The following SEC22A variants were observed in gnomAD, a reference collection of about 807,000 sequenced individuals.
The protein encoded by SEC22A is SEC22 homolog A, vesicle trafficking protein.
SEC22A carries 22 observed loss-of-function variants against 35.3 expected under a neutral mutation model. The observed-to-expected ratio is 0.62, with a 90% CI of 0.45 to 0.89. The LOEUF is 0.89. SEC22A is among the 40% of genes least tolerant of loss of function. SEC22A has a pLI of 0.00. For missense variants in SEC22A, 354 were observed against 362.5 expected (o/e 0.98, Z 0.19); for synonymous variants, 119 against 129.5 (o/e 0.92, Z 0.55).
chr3:123,267,293 T>TA (rs1201910260), intron 6 of SEC22A, among the ~76,000 whole-genome samples: 1 of 152,000 alleles, frequency 6.6e-6, no homozygotes, highest in Admixed American at 6.5e-5. Context: ...TTTTCTTTTT[T>TA]TTCTTTATCT....
intron 5 of SEC22A, among the ~76,000 whole-genome samples, chr3:123,248,073 A>C (rs1220292080): frequency 6.6e-6 from 1 of 152,202 alleles, no homozygotes; most frequent in African/African-American, 2.4e-5. Flanking sequence ...TTGATAAAGA[A>C]CATCTATTGA....
At position 123,271,717 on chromosome 3, in the gene SEC22A, G is replaced by A. The variant is rs186863435; in HGVS notation, c.919G>A (p.Val307Ile). 3.7e-6 allele frequency: 6 copies of A among 1,613,662 alleles called. No individual in the cohort carries two copies. The East Asian group carries it at 1.3e-4, about 36-fold the overall frequency. Residue 307 changes from valine to isoleucine, a missense_variant, in exon 7 of 7, where the codon GTC (valine) becomes ATC (isoleucine). Physicochemically the swap from Val to Ile is conservative, Grantham distance 29. Coordinates refer to ENST00000492595, the MANE Select transcript of SEC22A (RefSeq NM_012430.5). Reference sequence around the variant, plus strand: ...CCAGGGCAAGGCTCCCGATTATGATGTCTGACACCATCCTTCAGATCTATT... The same window carrying A: ...CCAGGGCAAGGCTCCCGATTATGATATCTGACACCATCCTTCAGATCTATT... The part of the protein sequence containing the change: ...QAQGKAPDYD[V>I]
chr3:123,217,054 C>A (rs62261392), intron 2 of SEC22A, among the ~76,000 whole-genome samples: 29,826 of 151,990 alleles, frequency 0.2, 3,035 homozygotes, highest in Middle Eastern at 0.28. Context: ...GTCTCTAACT[C>A]CTGGGCTCAA....
chr3:123,206,677 G>GA (rs1234203604), intron 1 of SEC22A, among the ~76,000 whole-genome samples: 1 of 152,160 alleles, frequency 6.6e-6, no homozygotes, highest in Middle Eastern at 3.4e-3. Flanking sequence ...TTTTAGGAGA[G>GA]AAAAAAACTA....
At chr3:123,226,740 T>C (rs772936101) in intron 4 of SEC22A, among the ~76,000 whole-genome samples, 1 of 152,208 alleles carries the variant, frequency 6.6e-6, no homozygotes, top group African/African-American at 2.4e-5. Flanking sequence ...TTGTCCACTT[T>C]TGCATTGGTT....
chr3:123,203,053 C>CTTTTTTTTTTTTTT lies in SEC22A; in HGVS notation c.-20+1088_-20+1101dup, dbSNP rs779433710. Among the ~76,000 whole-genome samples, 24 of 43,842 alleles carry CTTTTTTTTTTTTTT rather than the reference C, an allele frequency of 5.5e-4. 3 individuals are homozygous for CTTTTTTTTTTTTTT. The highest frequency in any genetic ancestry group is 8.5e-4 in the African/African-American group (8 of 9,428). The allele number at this position is 43,842 out of a possible 152,430, so 28.8% of individuals were successfully genotyped here. Reference sequence around the variant, plus strand: ...GAAAACCATCACATCTGTTTAGTGCCTTTTTTTTTTTTTTTTTTTTTTTTT... The same window carrying CTTTTTTTTTTTTTT: ...GAAAACCATCACATCTGTTTAGTGCCTTTTTTTTTTTTTTTTTTTTTTTTTTTTTTTTTTTTTTT... On this transcript the variant is annotated intron_variant, in intron 1 of 6. Transcript: ENST00000492595.
At position 123,271,806 on chromosome 3, in the gene SEC22A, C is replaced by G. The variant is rs1938173199; in HGVS notation, c.*84C>G. ...ACTGCACTGTGATGAAGAAGCTGTT[C>G]CCCACAGAGGAGAAGCTCTGCTTTC... On this transcript the variant is annotated 3_prime_UTR_variant, in exon 7 of 7. Transcript: ENST00000492595. 2.5e-5 allele frequency: 28 copies of G among 1,137,228 alleles called. No homozygotes were observed. Among genetic ancestry groups the G allele is most frequent in the Non-Finnish European group, 3.3e-5 (26 of 780,478 alleles). The allele number at this position is 1,137,228 out of a possible 1,614,324, so 70.4% of individuals were successfully genotyped here. A position where few individuals can be genotyped will look rare whatever the true frequency, so the allele number is the denominator to read the frequency against.
chr3:123,220,530 T>A (rs1438868056), intron 2 of SEC22A, among the ~76,000 whole-genome samples: 1 of 152,162 alleles, frequency 6.6e-6, no homozygotes, highest in Non-Finnish European at 1.5e-5. Context: ...AAGAGATACA[T>A]TTTACTTTGT....
At chr3:123,237,827 A>G (rs75192586) in intron 4 of SEC22A, among the ~76,000 whole-genome samples, 7,052 of 151,776 alleles carry the variant, frequency 0.046, 556 homozygotes, top group African/African-American at 0.16. Context: ...GACACTTGGA[A>G]AATGGGGAGA....
intron 2 of SEC22A, among the ~76,000 whole-genome samples, chr3:123,221,470 CAAAAAA>C (rs56800842): frequency 1.6e-5 from 1 of 60,610 alleles, no homozygotes; most frequent in African/African-American, 6.8e-5. Flanking sequence ...GAGTCCATCT[CAAAAAA>C]AAAAAAAAAA....
chr3:123,210,775 A>G (rs1936928917), intron 2 of SEC22A, among the ~76,000 whole-genome samples: 1 of 152,212 alleles, frequency 6.6e-6, no homozygotes, highest in African/African-American at 2.4e-5. Flanking sequence ...GGATATAATA[A>G]GCAGAGGGCT....
chr3:123,214,138 T>C (rs556211970), intron 2 of SEC22A, among the ~76,000 whole-genome samples: 1 of 152,310 alleles, frequency 6.6e-6, no homozygotes, highest in African/African-American at 2.4e-5. Flanking sequence ...GAGGCTGCAG[T>C]GAGCTGAGAT....
At chr3:123,206,585 T>G (rs12695430) in intron 1 of SEC22A, among the ~76,000 whole-genome samples, 29,852 of 151,220 alleles carry the variant, frequency 0.2, 3,030 homozygotes, top group Middle Eastern at 0.28. Flanking sequence ...AATAATTAAG[T>G]AAAACATGGT....
chr3:123,273,332 A>C lies in SEC22A; in HGVS notation c.*1610A>C, dbSNP rs1034551722. Reference sequence around the variant, plus strand: ...AGAATGAGGTAAAAGGAAGACAATAAGCTTATGATATCAGGGATTCATGTA... The same window carrying C: ...AGAATGAGGTAAAAGGAAGACAATACGCTTATGATATCAGGGATTCATGTA... On this transcript the variant is annotated 3_prime_UTR_variant, in exon 7 of 7. Transcript: ENST00000492595. 1.3e-5 allele frequency: 2 copies of C among 152,248 alleles called. No individual in the cohort carries two copies. The highest frequency in any genetic ancestry group is 2.9e-5 in the Non-Finnish European group (2 of 68,058). 9.4% of individuals were successfully genotyped at this position (152,248 alleles called of 1,614,324 possible).
Position 123,227,038 on chromosome 3 carries a change from G to A in SEC22A, c.541+1741G>A, listed in dbSNP as rs115051039. Among the ~76,000 whole-genome samples, 416 of 152,218 alleles carry A rather than the reference G, an allele frequency of 2.7e-3. 1 individual carries two copies. The highest frequency in any genetic ancestry group is 9.5e-3 in the African/African-American group (394 of 41,522). ...CAAGGCCAGTGTTCTTGACTGTCACGGAAGGTGTAAATACTTTAGTGATCG... is the reference window on the plus strand; with the variant it reads ...CAAGGCCAGTGTTCTTGACTGTCACAGAAGGTGTAAATACTTTAGTGATCG... On this transcript the variant is annotated intron_variant, in intron 4 of 6. Coordinates refer to ENST00000492595, the MANE Select transcript of SEC22A (RefSeq NM_012430.5).
At chr3:123,222,097 C>T (rs1299770128) in intron 2 of SEC22A, among the ~76,000 whole-genome samples, 6 of 149,592 alleles carry the variant, frequency 4.0e-5, no homozygotes, top group East Asian at 2.0e-4. Flanking sequence ...CTTTTTTTGT[C>T]GGTTGACCCA....
chr3:123,250,962 T>A (rs550002336), intron 5 of SEC22A, among the ~76,000 whole-genome samples: 138 of 152,388 alleles, frequency 9.1e-4, no homozygotes, highest in African/African-American at 3.2e-3. Flanking sequence ...ATGTTATTTT[T>A]AATTTTTGAA....
rs1021068692 is a variant in SEC22A, at chr3:123,216,079, C to T, written c.182+6680C>T. Among the ~76,000 whole-genome samples, 10 of 152,162 alleles carry T rather than the reference C, an allele frequency of 6.6e-5. No homozygotes were observed. In the East Asian group the frequency reaches 9.6e-4, roughly 15 times the overall value. Reference sequence around the variant, plus strand: ...TTACTAGTATCACATTCCTTTTCTCCTGCTTATTATGGCAAAATGTACAGC... The same window carrying T: ...TTACTAGTATCACATTCCTTTTCTCTTGCTTATTATGGCAAAATGTACAGC... On this transcript the variant is annotated intron_variant, in intron 2 of 6. Transcript: ENST00000492595.
At chr3:123,210,972 A>G (rs1936932430) in intron 2 of SEC22A, among the ~76,000 whole-genome samples, 1 of 152,170 alleles carries the variant, frequency 6.6e-6, no homozygotes, top group African/African-American at 2.4e-5. Flanking sequence ...GTTGTGAGAC[A>G]TGCGTGATAA....
Sources: gnomAD v4.1 joint callset for allele counts (sites outside exome capture counted in the v4.1 genomes callset) on GRCh38, gnomAD v4.1.1 for gene constraint, MANE v1.5 for transcripts, NCBI Gene and HGNC (gene_info 2026-07-23, HGNC 2026-07-21) for gene names.